NINL: variants seen among roughly 807,000 people sequenced by gnomAD.
NINL encodes ninein-like protein.
In NINL, 153 loss-of-function variants were observed where a neutral mutation model predicts 160.3. The observed-to-expected ratio is 0.95, with a 90% confidence interval of 0.84 to 1.09. The LOEUF (loss-of-function observed/expected upper bound fraction) is 1.09, where lower values mean the gene tolerates loss of function less well. Ranked by LOEUF, NINL falls within the 50% of genes least tolerant of loss-of-function variation. NINL has a pLI of 0.00. For missense variants in NINL, 1,829 were observed against 1,764.0 expected, an observed-to-expected ratio of 1.04 and a Z score of -0.66; for synonymous variants, 800 against 734.8, an observed-to-expected ratio of 1.09 and a Z score of -1.43.
intron 18 of NINL, 135 bp from the exon 19 acceptor site, chr20:25,467,593 CT>C: frequency 1.4e-6 from 1 of 699,024 alleles, no homozygotes; most frequent in Non-Finnish European, 2.6e-6. Flanking sequence ...CCCTGGCATT[CT>C]CCAGCCCCTC....
At chr20:25,561,475 C>T (rs1283905787) in intron 1 of NINL, among the ~76,000 whole-genome samples, 3 of 152,170 alleles carry the variant, frequency 2.0e-5, no homozygotes, top group Non-Finnish European at 2.9e-5. Context: ...AAATGAGGAG[C>T]GTCTCTGCCT....
intron 1 of NINL, among the ~76,000 whole-genome samples, chr20:25,561,066 A>C (rs1384846248): frequency 1.4e-4 from 15 of 105,794 alleles, no homozygotes; most frequent in African/African-American, 2.3e-4. Flanking sequence ...CTCTCTTTCC[A>C]CGGTCTCCCT....
intron 1 of NINL, among the ~76,000 whole-genome samples, chr20:25,570,250 C>T (rs1453408624): frequency 6.6e-6 from 1 of 152,138 alleles, no homozygotes; most frequent in East Asian, 1.9e-4. Context: ...GATCTGTGTC[C>T]TTGCCCAAAC....
At chr20:25,564,303 C>T (rs749429744) in intron 1 of NINL, among the ~76,000 whole-genome samples, 18 of 152,006 alleles carry the variant, frequency 1.2e-4, no homozygotes, top group Non-Finnish European at 2.6e-4. Flanking sequence ...GCCTACTCTA[C>T]CACACCCAGC....
intron 13 of NINL, among the ~76,000 whole-genome samples, chr20:25,485,725 T>C (rs913952572): frequency 6.6e-6 from 1 of 152,214 alleles, no homozygotes; most frequent in African/African-American, 2.4e-5. Flanking sequence ...AATGTTATTA[T>C]TGTAAAAATC....
At chr20:25,500,402 T>C (rs1485908740) in intron 8 of NINL, among the ~76,000 whole-genome samples, 1 of 152,086 alleles carries the variant, frequency 6.6e-6, no homozygotes, top group East Asian at 1.9e-4. Context: ...GTGGGCGCCA[T>C]GGGGGAGAAC....
intron 3 of NINL, among the ~76,000 whole-genome samples, chr20:25,517,272 C>T (rs1422751109): frequency 6.6e-6 from 1 of 151,958 alleles, no homozygotes; most frequent in Non-Finnish European, 1.5e-5. Flanking sequence ...AAGAGCCACC[C>T]CCATTTCACA....
chr20:25,509,665 C>T lies in NINL; in HGVS notation c.517+1009G>A, dbSNP rs150381825. ...TGGCCACCACACTGATCCTCTCACACCCACCTTTCTGTGGGGCCCCTTTCT... is the reference window on the plus strand; with the variant it reads ...TGGCCACCACACTGATCCTCTCACATCCACCTTTCTGTGGGGCCCCTTTCT... On this transcript the variant is annotated intron_variant, in intron 5 of 23. Transcript: ENST00000278886. 182 of 456,760 alleles carry T rather than the reference C, an allele frequency of 4.0e-4. 2 individuals carry two copies. Among genetic ancestry groups the T allele is most frequent in the African/African-American group, 3.4e-3 (171 of 50,202 alleles). 28.3% of individuals were successfully genotyped at this position (456,760 alleles called of 1,614,324 possible).
At chr20:25,456,338 A>C (rs1004118619) in intron 22 of NINL, among the ~76,000 whole-genome samples, 9 of 150,386 alleles carry the variant, frequency 6.0e-5, no homozygotes, top group Non-Finnish European at 1.3e-4. Flanking sequence ...ACCTGAGCTC[A>C]GGAGTTCGAG....
In NINL at chr20:25,498,294, G is replaced by A. The variant is rs749234963; in HGVS notation, c.1085C>T (p.Ala362Val). The A allele has an allele frequency of 1.2e-6, 2 of 1,613,336 alleles. No individual in the cohort carries two copies. The highest frequency in any genetic ancestry group is 1.7e-6 in the Non-Finnish European group (2 of 1,180,020). The change falls in exon 9 of 24, where the codon GCC becomes GTC. Residue 362 changes from alanine to valine, a missense_variant. Transcript: ENST00000278886. Reference protein sequence around the residue: ...EKVNLLELTWALDNELMTVDS... With the variant: ...EKVNLLELTWVLDNELMTVDS... ...CACTGTCATGAGCTCGTTGTCAAGG[G>A]CCCAGGTCAGCTCCAGAAGGTTCAC...
rs529933456 is a variant in NINL, at chr20:25,520,982, C to T, written c.181-3133G>A. Among the ~76,000 whole-genome samples the T allele has an allele frequency of 1.2e-4, 19 of 152,330 alleles. No individual in the cohort carries two copies. The East Asian group carries it at 3.7e-3, about 29-fold the overall frequency. On this transcript the variant is annotated intron_variant, in intron 2 of 23. Transcript: ENST00000278886. ...CAGGTATAGATGTCTCTTTATCCTG[C>T]TTGGAATTCCATGGGCTTTTGGAAT...
intron 8 of NINL, among the ~76,000 whole-genome samples, chr20:25,499,433 G>T (rs1469738927): frequency 6.6e-6 from 1 of 152,206 alleles, no homozygotes. Context: ...AATAAGTTCT[G>T]AAAGGGCAGA....
chr20:25,496,484 G>A (rs937579607), intron 10 of NINL, among the ~76,000 whole-genome samples, 179 bp downstream of exon 10: 26 of 152,350 alleles, frequency 1.7e-4, no homozygotes, highest in African/African-American at 6.3e-4. Flanking sequence ...GGAAGAGCAG[G>A]GCTCTGCTGC....
At chr20:25,550,074 A>G (rs1397864109) in intron 1 of NINL, among the ~76,000 whole-genome samples, 2 of 152,214 alleles carry the variant, frequency 1.3e-5, no homozygotes, top group East Asian at 1.9e-4. Context: ...TTTGGCTCAC[A>G]TTACGTTTAC....
chr20:25,488,734 TTTATGTTAACCTG>T (rs1363915186), intron 13 of NINL, among the ~76,000 whole-genome samples: 1 of 152,096 alleles, frequency 6.6e-6, no homozygotes, highest in East Asian at 1.9e-4. Flanking sequence ...AAATAGGCTA[TTTATGTTAACCTG>T]TTATTACATT....
chr20:25,541,250 C>T (rs994245476), intron 1 of NINL, among the ~76,000 whole-genome samples: 3 of 152,178 alleles, frequency 2.0e-5, no homozygotes, highest in African/African-American at 4.8e-5. Context: ...ACCTCAGTTT[C>T]GTGATCTGAA....
chr20:25,492,970 C>T (rs1015183039), intron 10 of NINL, among the ~76,000 whole-genome samples: 1 of 152,124 alleles, frequency 6.6e-6, no homozygotes, highest in African/African-American at 2.4e-5. Context: ...ACTCATAACT[C>T]CCATTGCTCA....
intron 1 of NINL, chr20:25,539,982 T>C: frequency 7.8e-7 from 1 of 1,276,812 alleles, no homozygotes; most frequent in South Asian, 1.2e-5. Context: ...CAGTGCAGCC[T>C]CACAACAAGC....
intron 1 of NINL, among the ~76,000 whole-genome samples, chr20:25,551,238 G>T (rs570240583): frequency 3.9e-5 from 6 of 152,298 alleles, no homozygotes; most frequent in Admixed American, 6.5e-5. Flanking sequence ...CAAGGCAGAA[G>T]AATTTTTCTT....
Sources: gnomAD v4.1 joint callset for allele counts (sites outside exome capture counted in the v4.1 genomes callset) on GRCh38, gnomAD v4.1.1 for gene constraint, MANE v1.5 for transcripts, NCBI Gene and HGNC (gene_info 2026-07-23, HGNC 2026-07-21) for gene names.